PRDM1: variants seen among roughly 807,000 people sequenced by gnomAD.
PRDM1 encodes the protein PR domain zinc finger protein 1.
In PRDM1, 13 loss-of-function variants were observed where a neutral mutation model predicts 62.8. That is an observed-to-expected ratio of 0.21 (90% CI 0.13 to 0.33). PRDM1 has a LOEUF of 0.33. Ranked by LOEUF, PRDM1 falls within the 10% of genes least tolerant of loss-of-function variation. PRDM1 has a pLI of 1.00. For missense variants in PRDM1, 895 were observed against 1,058.8 expected (o/e 0.85, Z 2.15); for synonymous variants, 396 against 417.6 (o/e 0.95, Z 0.63).
intron 1 of PRDM1, among the ~76,000 whole-genome samples, chr6:106,024,643 A>C (rs757931248): frequency 6.6e-6 from 1 of 152,194 alleles, no homozygotes; most frequent in Admixed American, 6.5e-5. Context: ...GACAGTGTGG[A>C]GCTTTTTAAA....
chr6:105,993,645 T>C (rs990054773), intron 1 of PRDM1, among the ~76,000 whole-genome samples: 3 of 152,212 alleles, frequency 2.0e-5, no homozygotes, highest in Non-Finnish European at 4.4e-5. Flanking sequence ...AGAAGGTCTT[T>C]AAAACGTTAC....
chr6:106,021,724 G>A (rs184213842), intron 1 of PRDM1, among the ~76,000 whole-genome samples: 124 of 152,258 alleles, frequency 8.1e-4, no homozygotes, highest in Non-Finnish European at 9.0e-4. Context: ...GGGTTCAATC[G>A]ATTCTTCTGC....
intron 1 of PRDM1, chr6:106,078,120 C>G (rs2114606766): frequency 6.6e-6 from 1 of 152,222 alleles, no homozygotes; most frequent in Middle Eastern, 3.4e-3. Context: ...CAGCTGAGTC[C>G]CTGCTGGGTG....
chr6:106,027,568 A>G (rs949630603), intron 1 of PRDM1, among the ~76,000 whole-genome samples: 1 of 152,014 alleles, frequency 6.6e-6, no homozygotes, highest in Non-Finnish European at 1.5e-5. Context: ...GGTCTGCTCT[A>G]GCAGGGAGAG....
upstream of PRDM1, among the ~76,000 whole-genome samples, chr6:106,043,746 C>T (rs573868363): frequency 6.6e-6 from 1 of 152,218 alleles, no homozygotes; most frequent in South Asian, 2.1e-4. Context: ...GTTGGTCAAG[C>T]TGGTCTCGAA....
chr6:106,030,541 C>A (rs1020108295), intron 1 of PRDM1, among the ~76,000 whole-genome samples: 1 of 151,738 alleles, frequency 6.6e-6, no homozygotes, highest in Non-Finnish European at 1.5e-5. Context: ...ATGTATTATT[C>A]TTTAATGGTT....
intron 1 of PRDM1, among the ~76,000 whole-genome samples, chr6:106,020,512 T>C (rs1772686792): frequency 6.6e-6 from 1 of 152,166 alleles, no homozygotes; most frequent in African/African-American, 2.4e-5. Flanking sequence ...TGGGGAGCAG[T>C]GGAGTATACT....
At chr6:106,069,563 G>A (rs1773480625) in intron 1 of PRDM1, among the ~76,000 whole-genome samples, 1 of 152,158 alleles carries the variant, frequency 6.6e-6, no homozygotes, top group Non-Finnish European at 1.5e-5. Flanking sequence ...TTTAGATGAC[G>A]GCATCGCCTC....
chr6:106,011,606 T>A (rs890537832), intron 1 of PRDM1, among the ~76,000 whole-genome samples: 4 of 152,052 alleles, frequency 2.6e-5, no homozygotes, highest in African/African-American at 7.3e-5. Context: ...CTTCATTCCC[T>A]CCTGCCTTCT....
chr6:106,004,931 T>C (rs1411970754), intron 1 of PRDM1, among the ~76,000 whole-genome samples: 1 of 152,162 alleles, frequency 6.6e-6, no homozygotes, highest in Non-Finnish European at 1.5e-5. Flanking sequence ...CTTTCCAAAA[T>C]AAATATTTTT....
chr6:106,007,849 C>G (rs1772501234), intron 1 of PRDM1, among the ~76,000 whole-genome samples: 1 of 152,226 alleles, frequency 6.6e-6, no homozygotes, highest in African/African-American at 2.4e-5. Flanking sequence ...CATCTCCAGT[C>G]TTTCCTCCTA....
intron 1 of PRDM1, among the ~76,000 whole-genome samples, chr6:106,077,374 A>T (rs1192871819): frequency 6.6e-6 from 1 of 152,194 alleles, no homozygotes; most frequent in East Asian, 1.9e-4. Context: ...ATTGTCCAGG[A>T]GGATGAATCA....
At chr6:106,037,394 C>T (rs763274807) in intron 1 of PRDM1, among the ~76,000 whole-genome samples, 1 of 152,278 alleles carries the variant, frequency 6.6e-6, no homozygotes, top group South Asian at 2.1e-4. Context: ...TCATATCTCT[C>T]ATCAAATTTG....
chr6:105,996,155 TAA>T (rs946380742), intron 1 of PRDM1, among the ~76,000 whole-genome samples: 3 of 152,190 alleles, frequency 2.0e-5, no homozygotes, highest in African/African-American at 7.2e-5. Context: ...TCTCATAAAC[TAA>T]GTCTTATAAA....
chr6:106,076,583 C>T (rs1773609111), intron 1 of PRDM1, among the ~76,000 whole-genome samples: 1 of 151,942 alleles, frequency 6.6e-6, no homozygotes, highest in South Asian at 2.1e-4. Flanking sequence ...AAAATAATCC[C>T]AGTTTAAATT....
At chr6:105,998,541 A>G (rs1240989659) in intron 1 of PRDM1, among the ~76,000 whole-genome samples, 1 of 152,206 alleles carries the variant, frequency 6.6e-6, no homozygotes, top group Non-Finnish European at 1.5e-5. Flanking sequence ...CCATAAGTCA[A>G]ATGAATATAC....
intron 1 of PRDM1, among the ~76,000 whole-genome samples, chr6:106,087,297 TTACAG>T (rs1400993814): frequency 2.0e-5 from 3 of 152,226 alleles, no homozygotes; most frequent in Non-Finnish European, 4.4e-5. Flanking sequence ...ATAACTTTAG[TTACAG>T]TAAACTGTAG....
chr6:106,042,861 T>C (rs188012712), intron 1 of PRDM1, among the ~76,000 whole-genome samples: 1 of 152,260 alleles, frequency 6.6e-6, no homozygotes, highest in Admixed American at 6.5e-5. Flanking sequence ...TAACACATTT[T>C]GGGGGGAGGA....
chr6:106,081,830 C>T (rs1203874243), upstream of PRDM1, among the ~76,000 whole-genome samples: 1 of 152,124 alleles, frequency 6.6e-6, no homozygotes, highest in Non-Finnish European at 1.5e-5. Flanking sequence ...ACTGTAGGGT[C>T]CCTTTTCCTC....
Sources: allele counts gnomAD v4.1 joint callset (sites outside exome capture counted in the v4.1 genomes callset), GRCh38; gene constraint gnomAD v4.1.1; transcripts MANE v1.5; gene names NCBI Gene and HGNC (gene_info 2026-07-23, HGNC 2026-07-21).